Variants in CLYBL observed in about 807,000 individuals in gnomAD.
CLYBL encodes the protein citramalyl-CoA lyase, mitochondrial.
Under a neutral mutation model 38.9 loss-of-function variants are expected in CLYBL, and 31 were observed. The ratio of observed to expected loss-of-function variants is 0.80; its 90% CI spans 0.60 to 1.08. The LOEUF (loss-of-function observed/expected upper bound fraction) is 1.08, where lower values mean the gene tolerates loss of function less well. Ranked by LOEUF, CLYBL falls within the 50% of genes least tolerant of loss-of-function variation. CLYBL has a pLI of 0.00. For missense variants in CLYBL, 434 were observed against 411.6 expected (o/e 1.05, Z -0.47); for synonymous variants, 171 against 158.6 (o/e 1.08, Z -0.59).
intron 1 of CLYBL, among the ~76,000 whole-genome samples, chr13:99,666,703 G>T (rs188654225): frequency 3.5e-5 from 5 of 142,606 alleles, no homozygotes; most frequent in African/African-American, 1.5e-4. Flanking sequence ...TGCACACATG[G>T]TATTTTTTCC....
chr13:99,871,162 G>A (rs777042189), intron 7 of CLYBL, 100 bp downstream of exon 7: 40 of 1,359,114 alleles, frequency 2.9e-5, no homozygotes, highest in Middle Eastern at 4.6e-4. Context: ...AAAACTCATC[G>A]TATCTGGAGA....
intron 1 of CLYBL, among the ~76,000 whole-genome samples, chr13:99,758,104 C>G (rs975992468): frequency 2.0e-5 from 3 of 152,152 alleles, no homozygotes; most frequent in African/African-American, 7.2e-5. Context: ...AAGCCTGGGT[C>G]CTGTTACTAA....
chr13:99,854,314 T>C (rs1196340002), intron 2 of CLYBL, among the ~76,000 whole-genome samples: 1 of 151,898 alleles, frequency 6.6e-6, no homozygotes, highest in Non-Finnish European at 1.5e-5. Context: ...AATGCTATTA[T>C]TTAAGGCACT....
At chr13:99,881,510 C>G (rs896167726) in intron 7 of CLYBL, among the ~76,000 whole-genome samples, 1 of 152,088 alleles carries the variant, frequency 6.6e-6, no homozygotes, top group Non-Finnish European at 1.5e-5. Context: ...TCAGCCTCGA[C>G]CTCCTGGGCT....
At chr13:99,755,481 C>T (rs1194690551) in intron 1 of CLYBL, among the ~76,000 whole-genome samples, 1 of 152,152 alleles carries the variant, frequency 6.6e-6, no homozygotes, top group Non-Finnish European at 1.5e-5. Context: ...CCTCTTCTCT[C>T]CCTGTTGCTG....
chr13:99,901,658 G>GT (rs66710267), downstream of CLYBL, among the ~76,000 whole-genome samples: 21 of 122,730 alleles, frequency 1.7e-4, 1 homozygote, highest in Middle Eastern at 4.0e-3. Flanking sequence ...TTTTTTTTTT[G>GT]TTTGTTTGTT....
intron 1 of CLYBL, among the ~76,000 whole-genome samples, chr13:99,689,101 G>T (rs1416255731): frequency 6.6e-6 from 1 of 152,124 alleles, no homozygotes; most frequent in Admixed American, 6.5e-5. Context: ...CTGGAATCTA[G>T]GGTCCCAGCA....
At chr13:99,818,446 A>AACAC (rs57249330) in intron 2 of CLYBL, among the ~76,000 whole-genome samples, 4,220 of 143,294 alleles carry the variant, frequency 0.029, 117 homozygotes, top group African/African-American at 0.071. Flanking sequence ...TGGAGCAGAA[A>AACAC]ACACACACAC....
intron 1 of CLYBL, among the ~76,000 whole-genome samples, chr13:99,676,650 A>G (rs913437062): frequency 2.7e-5 from 4 of 150,430 alleles, no homozygotes; most frequent in Non-Finnish European, 4.4e-5. Flanking sequence ...CTGGAGTGCA[A>G]TGGCACAATC....
chr13:99,632,209 C>A (rs1480241854), intron 1 of CLYBL, among the ~76,000 whole-genome samples: 1 of 152,150 alleles, frequency 6.6e-6, no homozygotes, highest in African/African-American at 2.4e-5. Context: ...TATGAAATTG[C>A]ACAAATCCTT....
chr13:99,778,604 C>A (rs2049572242), intron 2 of CLYBL, among the ~76,000 whole-genome samples: 1 of 152,164 alleles, frequency 6.6e-6, no homozygotes, highest in African/African-American at 2.4e-5. Flanking sequence ...GTTTAAGTAG[C>A]TCCTTCATGT....
intron 2 of CLYBL, among the ~76,000 whole-genome samples, chr13:99,822,821 C>T (rs573751164): frequency 2.0e-5 from 3 of 152,258 alleles, no homozygotes; most frequent in South Asian, 2.1e-4. Flanking sequence ...TCTTTCTAGA[C>T]GAAACTACTT....
chr13:99,791,238 T>A (rs1379187117), intron 2 of CLYBL, among the ~76,000 whole-genome samples: 1 of 152,130 alleles, frequency 6.6e-6, no homozygotes. Context: ...CTCTGTTTCT[T>A]TAATCTATCC....
At chr13:99,699,566 G>T (rs1010684028) in intron 1 of CLYBL, among the ~76,000 whole-genome samples, 32 of 150,590 alleles carry the variant, frequency 2.1e-4, no homozygotes, top group African/African-American at 6.9e-4. Context: ...GGTGGCACGC[G>T]CCTGTAATCC....
chr13:99,726,868 C>A (rs2048483262), intron 1 of CLYBL, among the ~76,000 whole-genome samples: 1 of 152,158 alleles, frequency 6.6e-6, no homozygotes, highest in Non-Finnish European at 1.5e-5. Flanking sequence ...TACATCAGAA[C>A]CTGGTTTTGA....
intron 1 of CLYBL, among the ~76,000 whole-genome samples, chr13:99,684,655 T>C (rs1185154937): frequency 6.6e-6 from 1 of 152,172 alleles, no homozygotes; most frequent in Non-Finnish European, 1.5e-5. Context: ...CCAGGGCAGA[T>C]TGGTTATGTT....
chr13:99,667,926 G>A lies in CLYBL; in HGVS notation c.62+61169G>A, dbSNP rs576366065. ...TGCCCATCATTTTTTATTAATGCTT[G>A]CCAAGTAATTAGGTATGAAAAGATG... is the stretch of plus-strand genomic sequence containing the variant. On this transcript the variant is annotated intron_variant, in intron 1 of 8. Transcript: ENST00000339105. Among the ~76,000 whole-genome samples the A allele has an allele frequency of 1.9e-4, 29 of 152,252 alleles. No individual in the cohort carries two copies. The South Asian group carries it at 3.9e-3, about 21-fold the overall frequency.
At chr13:99,712,519 T>A (rs1415512790) in intron 1 of CLYBL, among the ~76,000 whole-genome samples, 1 of 150,556 alleles carries the variant, frequency 6.6e-6, no homozygotes, top group Non-Finnish European at 1.5e-5. Context: ...TTTTTTGAGT[T>A]TTTTTTTTGG....
At chr13:99,655,322 T>C (rs1465189572) in intron 1 of CLYBL, among the ~76,000 whole-genome samples, 2 of 152,120 alleles carry the variant, frequency 1.3e-5, no homozygotes, top group Non-Finnish European at 2.9e-5. Context: ...ATGATCTGTC[T>C]GCCTCGGCCT....
Sources: gnomAD v4.1 joint callset for allele counts (sites outside exome capture counted in the v4.1 genomes callset) on GRCh38, gnomAD v4.1.1 for gene constraint, MANE v1.5 for transcripts, NCBI Gene and HGNC (gene_info 2026-07-23, HGNC 2026-07-21) for gene names.